The following HTR1F variants were observed in gnomAD, a reference collection of about 807,000 sequenced individuals.
The protein encoded by HTR1F is 5-hydroxytryptamine receptor 1F, also known as 5-hydroxytryptamine (serotonin) receptor 1F, G protein-coupled.
Under a neutral mutation model 24.0 loss-of-function variants are expected in HTR1F, and 17 were observed. The observed-to-expected ratio is 0.71, with a 90% CI of 0.48 to 1.06. HTR1F has a LOEUF of 1.06. HTR1F is among the 50% of genes least tolerant of loss of function. The probability of loss-of-function intolerance (pLI) is 0.00; values close to 1 mark genes in which losing one functional copy is unlikely to be tolerated. For synonymous variants in HTR1F, 186 were observed against 156.8 expected (o/e 1.19, Z -1.39); for missense variants, 391 against 427.8 (o/e 0.91, Z 0.76).
At chr3:87,987,689 T>C (rs1464946920) in intron 2 of HTR1F, among the ~76,000 whole-genome samples, 1 of 126,366 alleles carries the variant, frequency 7.9e-6, no homozygotes, top group African/African-American at 2.9e-5. Flanking sequence ...ATATTTTATA[T>C]ATATAAAATA....
chr3:87,884,816 C>T (rs1172416760), intron 2 of HTR1F, among the ~76,000 whole-genome samples: 2 of 152,158 alleles, frequency 1.3e-5, no homozygotes, highest in African/African-American at 4.8e-5. Flanking sequence ...AATATATATG[C>T]ACCCAATACA....
At chr3:87,835,294 C>A (rs1395139822) in intron 2 of HTR1F, among the ~76,000 whole-genome samples, 2 of 140,360 alleles carry the variant, frequency 1.4e-5, no homozygotes, top group South Asian at 2.3e-4. Flanking sequence ...GCAAACCCAA[C>A]CCCACCCCCA....
chr3:87,850,659 A>G (rs1270034650), intron 2 of HTR1F, among the ~76,000 whole-genome samples: 1 of 151,814 alleles, frequency 6.6e-6, no homozygotes, highest in Non-Finnish European at 1.5e-5. Flanking sequence ...GATATATTCA[A>G]AAATTAAGTA....
chr3:87,933,981 A>T (rs1704350451), intron 2 of HTR1F, among the ~76,000 whole-genome samples: 1 of 152,042 alleles, frequency 6.6e-6, no homozygotes, highest in Non-Finnish European at 1.5e-5. Flanking sequence ...TGCCACCTTA[A>T]ATTTCTATTG....
chr3:87,871,000 A>C (rs1705542709), intron 2 of HTR1F, among the ~76,000 whole-genome samples: 1 of 151,898 alleles, frequency 6.6e-6, no homozygotes, highest in Admixed American at 6.6e-5. Context: ...AAAAAAAAAA[A>C]AAATCACGTG....
intron 2 of HTR1F, among the ~76,000 whole-genome samples, chr3:87,967,588 G>A (rs1430951613): frequency 3.4e-4 from 1 of 2,954 alleles, no homozygotes; most frequent in Non-Finnish European, 0.045. Flanking sequence ...TTGAATCATG[G>A]GGGGGGGTGG....
chr3:87,861,617 C>A (rs1705320085), intron 2 of HTR1F, among the ~76,000 whole-genome samples: 1 of 152,074 alleles, frequency 6.6e-6, no homozygotes, highest in Non-Finnish European at 1.5e-5. Context: ...CCTTATTATA[C>A]ATGACTTAAA....
intron 2 of HTR1F, among the ~76,000 whole-genome samples, chr3:87,853,123 C>G (rs1185211699): frequency 1.3e-5 from 2 of 151,744 alleles, no homozygotes; most frequent in African/African-American, 4.8e-5. Context: ...TTGTTATAAA[C>G]TCATGTCATG....
At position 87,894,559 on chromosome 3, in the gene HTR1F, C is replaced by CTTTT. The variant is rs35190252; in HGVS notation, c.-43+72457_-43+72460dup. On this transcript the variant is annotated intron_variant, in intron 2 of 2. Coordinates refer to ENST00000319595, the MANE Select transcript of HTR1F (RefSeq NM_001322209.2). ...AGATGTGAGCCATGTTGCCCAGCCT[C>CTTTT]TTTTTTTTTTTTTTTTTTTTTTTTT... 2.2e-3 allele frequency among the ~76,000 whole-genome samples: 161 copies of CTTTT among 74,664 alleles called. 5 individuals are homozygous for CTTTT. The highest frequency in any genetic ancestry group is 4.7e-3 in the African/African-American group (77 of 16,364). The allele number at this position is 74,664 out of a possible 152,430, so 49.0% of individuals were successfully genotyped here. A position where few individuals can be genotyped will look rare whatever the true frequency, so the allele number is the denominator to read the frequency against.
intron 2 of HTR1F, among the ~76,000 whole-genome samples, chr3:87,940,304 CT>C (rs376076608): frequency 6.9e-4 from 105 of 152,218 alleles, no homozygotes; most frequent in African/African-American, 2.5e-3. Context: ...CTCAACACCC[CT>C]TTATTCCAAA....
intron 2 of HTR1F, among the ~76,000 whole-genome samples, chr3:87,927,221 A>G (rs1704147232): frequency 1.3e-5 from 2 of 152,204 alleles, no homozygotes; most frequent in Admixed American, 6.6e-5. Context: ...TGCCTGAAAA[A>G]TAGCTGATGG....
At chr3:87,813,069 A>G (rs907908748) in intron 1 of HTR1F, among the ~76,000 whole-genome samples, 2 of 152,218 alleles carry the variant, frequency 1.3e-5, no homozygotes, top group African/African-American at 2.4e-5. Flanking sequence ...GAGCCCCCAC[A>G]CAGAGTCCCC....
chr3:87,870,556 A>C (rs1395395667), intron 2 of HTR1F, among the ~76,000 whole-genome samples: 1 of 152,014 alleles, frequency 6.6e-6, no homozygotes, highest in Admixed American at 6.6e-5. Context: ...TGCCCAAAAC[A>C]CAGCTTCTGT....
At chr3:87,979,036 GAGGGGGGGAGGGAGGGAGGGA>G (rs1705469542) in intron 2 of HTR1F, among the ~76,000 whole-genome samples, 2 of 3,230 alleles carry the variant, frequency 6.2e-4, no homozygotes, top group African/African-American at 1.2e-3. Context: ...GGGAGGGAGG[GAGGGGGGGAGGGAGGGAGGGA>G]GGGGGGGGAG....
chr3:87,899,926 T>A (rs1374458615), intron 2 of HTR1F, among the ~76,000 whole-genome samples: 1 of 152,056 alleles, frequency 6.6e-6, no homozygotes, highest in African/African-American at 2.4e-5. Flanking sequence ...CATCAATGAG[T>A]CAAATAAATA....
intron 2 of HTR1F, among the ~76,000 whole-genome samples, chr3:87,985,899 G>T (rs1015704390): frequency 3.3e-5 from 5 of 152,170 alleles, no homozygotes; most frequent in African/African-American, 1.2e-4. Context: ...GTAAGCAGAG[G>T]AGTAAATGCT....
chr3:87,810,268 TG>T (rs1704138619), intron 1 of HTR1F, among the ~76,000 whole-genome samples: 1 of 152,132 alleles, frequency 6.6e-6, no homozygotes, highest in East Asian at 1.9e-4. Context: ...TGACAGGAAG[TG>T]GAAGGAACAA....
At chr3:87,966,605 TTGA>T (rs1478579417) in intron 2 of HTR1F, among the ~76,000 whole-genome samples, 3 of 152,216 alleles carry the variant, frequency 2.0e-5, no homozygotes, top group African/African-American at 4.8e-5. Flanking sequence ...AAATTTTAAG[TTGA>T]TGACTCAATT....
At chr3:87,839,483 A>G (rs766859203) in intron 2 of HTR1F, among the ~76,000 whole-genome samples, 9 of 151,956 alleles carry the variant, frequency 5.9e-5, no homozygotes, top group Non-Finnish European at 1.0e-4. Flanking sequence ...TTCATGTTGG[A>G]TAGTGTGATG....
Sources: gnomAD v4.1 joint callset for allele counts (sites outside exome capture counted in the v4.1 genomes callset) on GRCh38, gnomAD v4.1.1 for gene constraint, MANE v1.5 for transcripts, NCBI Gene and HGNC (gene_info 2026-07-23, HGNC 2026-07-21) for gene names.